The following MED24 variants were observed in gnomAD, a reference collection of about 807,000 sequenced individuals.
MED24 encodes mediator of RNA polymerase II transcription subunit 24.
A neutral mutation model predicts 118.8 loss-of-function variants in MED24; 74 were observed. The observed-to-expected ratio is 0.62, with a 90% CI of 0.52 to 0.76. MED24 has a LOEUF of 0.76. Ranked by LOEUF, MED24 falls within the 30% of genes least tolerant of loss-of-function variation. The pLI, the probability that MED24 is intolerant of heterozygous loss-of-function variation, is 0.00. For synonymous variants in MED24, 521 were observed against 523.9 expected, an observed-to-expected ratio of 0.99 and a Z score of 0.08; for missense variants, 1,041 against 1,278.9, an observed-to-expected ratio of 0.81 and a Z score of 2.84.
chr17:40,043,148 A>G (rs1984733224), intron 3 of MED24, among the ~76,000 whole-genome samples: 1 of 152,182 alleles, frequency 6.6e-6, no homozygotes, highest in Admixed American at 6.5e-5. Context: ...GGGTTTCACC[A>G]TGTTGGCCAG....
chr17:40,023,430 G>A, intron 19 of MED24, 35 bp from the exon 20 acceptor site: 2 of 1,548,746 alleles, frequency 1.3e-6, no homozygotes, highest in East Asian at 4.5e-5. Context: ...AGGCTCAGGT[G>A]CCACTGTAGG....
chr17:40,030,301 CT>C (rs35210145), intron 12 of MED24, among the ~76,000 whole-genome samples: 54,809 of 145,662 alleles, frequency 0.38, 10,440 homozygotes, highest in Middle Eastern at 0.57. Context: ...TATCATTAGT[CT>C]TTTTTTTTTT....
chr17:40,045,464 A>AC (rs2144973270), intron 3 of MED24, among the ~76,000 whole-genome samples: 1 of 151,560 alleles, frequency 6.6e-6, no homozygotes, highest in African/African-American at 2.4e-5. Context: ...TCTCAAAAAA[A>AC]AAAAAAAAAG....
chr17:40,053,439 C>A, intron 2 of MED24, 30 bp downstream of exon 2: 1 of 1,613,842 alleles, frequency 6.2e-7, no homozygotes, highest in Non-Finnish European at 8.5e-7. Flanking sequence ...GTTTATCCCT[C>A]CCATCTTTCT....
Position 40,023,227 on chromosome 17 carries a change from C to T in MED24, c.2154G>A (p.Val718=). 1.9e-6 allele frequency: 3 copies of T among 1,614,156 alleles called. No homozygotes were observed. The highest frequency in any genetic ancestry group is 2.5e-6 in the Non-Finnish European group (3 of 1,180,004). The change falls in exon 20 of 26, where the codon GTG becomes GTA. Residue 718 remains valine (V), a synonymous_variant. Transcript: ENST00000394128. ...GGCTGTCCACCCAGCCCTTCTCCAGCACCTTGGCAAAAATGTCCGTCAGCA... is the reference window on the plus strand; with the variant it reads ...GGCTGTCCACCCAGCCCTTCTCCAGTACCTTGGCAAAAATGTCCGTCAGCA... ...KEVLTDIFAK[V]LEKGWVDSRS...
In MED24 at chr17:40,026,990, G is replaced by A. The variant is rs142434171; in HGVS notation, c.1575C>T (p.Phe525=). Residue 525 remains phenylalanine, a synonymous_variant, in exon 17 of 26, where the codon TTC becomes TTT. Transcript: ENST00000394128. ...GCATGCAGGTCTGCATCCAGGTCTC[G>A]AAGAAGGGCACCTCAGCTCCTGTGC... ...ESRTGAEVPF[F]ETWMQTCMPE... is the part of the protein sequence containing the mutation. 3.1e-5 allele frequency: 50 copies of A among 1,614,144 alleles called. 1 individual carries two copies. The highest frequency in any genetic ancestry group is 2.0e-4 in the African/African-American group (15 of 75,034).
Position 40,020,295 on chromosome 17 carries a change from CCG to C in MED24, c.2680_2681del (p.Arg894GlyfsTer90). ...CACCCAGGACTCGGTTCAGAGGGTC[CCG>C]CATGTTGACCGTGTGGAGCTGAGAG... ...SASQLHTVNM[R>X]DPLNRVLANL... On this transcript the variant is annotated frameshift_variant, in exon 24 of 26. Coordinates refer to ENST00000394128, the MANE Select transcript of MED24 (RefSeq NM_014815.4). LOFTEE classifies it high-confidence loss of function. The C allele has an allele frequency of 1.3e-6, 2 of 1,573,532 alleles. No homozygotes were observed. Among genetic ancestry groups the C allele is most frequent in the Admixed American group, 1.8e-5 (1 of 55,342 alleles).
At chr17:40,032,198 A>G (rs1983469833) in intron 9 of MED24, 108 bp from the exon 10 acceptor site, 5 of 1,298,216 alleles carry the variant, frequency 3.9e-6, no homozygotes, top group Non-Finnish European at 5.5e-6. Context: ...AGACAGGAAC[A>G]CTCCTACCCT....
chr17:40,019,167 T>TACACATAA lies in MED24; in HGVS notation c.*361_*362insTTATGTGT, dbSNP rs1166284322. The TACACATAA allele has an allele frequency of 6.7e-4, 78 of 116,852 alleles. No individual in the cohort carries two copies. The highest frequency in any genetic ancestry group is 3.6e-3 in the South Asian group (17 of 4,712). 7.2% of individuals were successfully genotyped at this position (116,852 alleles called of 1,614,324 possible). A position where few individuals can be genotyped will look rare whatever the true frequency, so the allele number is the denominator to read the frequency against. On this transcript the variant is annotated 3_prime_UTR_variant, in exon 26 of 26. Coordinates refer to ENST00000394128, the MANE Select transcript of MED24 (RefSeq NM_014815.4). ...TAGATTTCCCTCACATATTACAAAA[T>TACACATAA]ACACACAAACACACACACACACACA...
Position 40,019,305 on chromosome 17 carries a change from C to CAGAGG in MED24, c.*223_*224insCCTCT, listed in dbSNP as rs1981653256. The stretch of plus-strand genomic sequence containing the variant: ...CACTGGGCTTGTGGTCCAGGCTGCT[C>CAGAGG]ACTCTCCTCAGGTGCCAGCAGATGG... On this transcript the variant is annotated 3_prime_UTR_variant, in exon 26 of 26. Coordinates refer to ENST00000394128, the MANE Select transcript of MED24 (RefSeq NM_014815.4). The CAGAGG allele has an allele frequency of 3.6e-6, 2 of 557,226 alleles. No homozygotes were observed. The highest frequency in any genetic ancestry group is 6.4e-6 in the Non-Finnish European group (2 of 313,180). 34.5% of individuals were successfully genotyped at this position (557,226 alleles called of 1,614,324 possible).
At position 40,022,037 on chromosome 17, in the gene MED24, G is replaced by A. The variant is rs746879172; in HGVS notation, c.2541C>T (p.Phe847=). The A allele has an allele frequency of 1.7e-5, 27 of 1,609,586 alleles. No homozygotes were observed. The South Asian group carries it at 3.0e-4, about 18-fold the overall frequency. Residue 847 remains phenylalanine (F), a synonymous_variant, in exon 23 of 26, where the codon TTC becomes TTT. Transcript: ENST00000394128. ...TCGAAGGCTGCACATCGTCCAGGGG[G>A]AAGAGGCTGATATAATCCTAGAGGG... The part of the protein sequence containing the change: ...REDIEDYISL[F]PLDDVQPSKL...
intron 23 of MED24, 127 bp from the exon 24 acceptor site, chr17:40,020,480 A>T (rs1598328231): frequency 6.5e-7 from 1 of 1,540,406 alleles, no homozygotes; most frequent in East Asian, 2.5e-5. Flanking sequence ...CCCAGAGAAG[A>T]CCCTGAGATC....
rs1394734713 is a variant in MED24, at chr17:40,053,291, A to G, written c.213+7T>C. 1.3e-6 allele frequency: 2 copies of G among 1,595,378 alleles called. No homozygotes were observed. Among genetic ancestry groups the G allele is most frequent in the Non-Finnish European group, 1.7e-6 (2 of 1,171,100 alleles). On this transcript the variant is annotated splice_region_variant and intron_variant, in intron 3 of 25. Coordinates refer to ENST00000394128, the MANE Select transcript of MED24 (RefSeq NM_014815.4). ...CACTTCTTGGTGGGGGTTTGCGGGA[A>G]GCTTACCTGGGAACTAATGGCATAC...
rs1185004966 is a variant in MED24, at chr17:40,022,387, G to A, written c.2523+7C>T. On this transcript the variant is annotated splice_region_variant and intron_variant, in intron 22 of 25. Transcript: ENST00000394128. Reference sequence around the variant, plus strand: ...GTGAAGCCGGCGAGGGCAGCTGGGGGGCCTACCTCAATGTCTTCGCGGTGT... The same window carrying A: ...GTGAAGCCGGCGAGGGCAGCTGGGGAGCCTACCTCAATGTCTTCGCGGTGT... The A allele has an allele frequency of 6.2e-7, 1 of 1,604,240 alleles. No homozygotes were observed. The highest frequency in any genetic ancestry group is 8.5e-7 in the Non-Finnish European group (1 of 1,175,560).
chr17:40,022,278 A>G, intron 22 of MED24, 116 bp downstream of exon 22: 1 of 1,153,540 alleles, frequency 8.7e-7, no homozygotes, highest in Non-Finnish European at 1.2e-6. Context: ...ATGCCCAGGC[A>G]CAGCTGCCCC....
rs1983573535 is a variant in MED24 at position 40,033,133 on chromosome 17, G to A, written c.745C>T (p.Leu249=). The change falls in exon 8 of 26, where the codon CTG becomes TTG. Residue 249 remains leucine (L), a synonymous_variant. Transcript: ENST00000394128. This position sits in a 1 kb window ranked among gnomAD's most constrained non-coding sequence, Gnocchi z 5.2. The stretch of plus-strand genomic sequence containing the variant: ...GTCAGGTTCATGGTGCCCTCGAGCA[G>A]GATCACGGCGTGGACAGTGGGGAAG... ...TGFPTVHAVI[L]LEGTMNLTGE... is the part of the protein sequence containing the mutation. The A allele has an allele frequency of 4.3e-6, 7 of 1,614,184 alleles. No homozygotes were observed. In the African/African-American group the frequency reaches 9.3e-5, roughly 22 times the overall value.
rs764223256 is a variant in MED24, at chr17:40,019,484, G to A, written c.*45C>T. ...TCACTGCTTCCCTTGGAGGCGCCTG[G>A]GGCTGCGCCAGTCCCCAGCCCCCAC... On this transcript the variant is annotated 3_prime_UTR_variant, in exon 26 of 26. Transcript: ENST00000394128. 3.9e-6 allele frequency: 6 copies of A among 1,536,362 alleles called. No individual in the cohort carries two copies. The highest frequency in any genetic ancestry group is 3.4e-5 in the Admixed American group (2 of 58,024).
Position 40,026,250 on chromosome 17 carries a change from G to A in MED24, c.1891C>T (p.Leu631=), listed in dbSNP as rs1444702865. 3.7e-6 allele frequency: 6 copies of A among 1,614,084 alleles called. No homozygotes were observed. The South Asian group carries it at 6.6e-5, about 18-fold the overall frequency. The part of the protein sequence containing the change: ...VAWLVAHVRM[L]GLDEREKSLQ... ...GACTTCTCACGCTCATCCAGCCCCAGCATCCGGACGTGGGCCACAAGCCAA... is the reference window on the plus strand; with the variant it reads ...GACTTCTCACGCTCATCCAGCCCCAACATCCGGACGTGGGCCACAAGCCAA... Residue 631 remains leucine (L), a synonymous_variant, in exon 19 of 26, where the codon CTG becomes TTG. Coordinates refer to ENST00000394128, the MANE Select transcript of MED24 (RefSeq NM_014815.4).
rs773007479 is a variant in MED24, at chr17:40,021,962, C to T, written c.2616G>A (p.Ser872=). The change falls in exon 23 of 26, where the codon TCG becomes TCA. Residue 872 remains serine, a synonymous_variant. Coordinates refer to ENST00000394128, the MANE Select transcript of MED24 (RefSeq NM_014815.4). ...SSNEDDANIL[S]SPTDRSMSSS... is the part of the protein sequence containing the mutation. ...GCCAGCCCACACACTCACTGGGGCT[C>T]GAAAGGATGTTGGCATCGTCCTCAT... 7 of 1,600,442 alleles carry T rather than the reference C, an allele frequency of 4.4e-6. No individual in the cohort carries two copies. The highest frequency in any genetic ancestry group is 2.3e-5 in the East Asian group (1 of 44,338).
Sources: gnomAD v4.1 joint callset for allele counts (sites outside exome capture counted in the v4.1 genomes callset) on GRCh38, gnomAD v4.1.1 for gene constraint, Gnocchi (gnomAD v3.1) non-coding constraint, MANE v1.5 for transcripts, NCBI Gene and HGNC (gene_info 2026-07-23, HGNC 2026-07-21) for gene names.